The following ERICH6B variants were observed in gnomAD, a reference collection of about 807,000 sequenced individuals.
ERICH6B encodes the protein glutamate-rich protein 6B.
A neutral mutation model predicts 80.0 loss-of-function variants in ERICH6B; 69 were observed. The ratio of observed to expected loss-of-function variants is 0.86; its 90% CI spans 0.71 to 1.05. The LOEUF is 1.05. Ranked by LOEUF, ERICH6B falls within the 50% of genes least tolerant of loss-of-function variation. The pLI is 0.00. For missense variants in ERICH6B, 754 were observed against 796.1 expected (o/e 0.95, Z 0.64); for synonymous variants, 283 against 291.9 (o/e 0.97, Z 0.31).
intron 13 of ERICH6B, 134 bp downstream of exon 13, chr13:45,549,759 C>G: frequency 9.9e-7 from 1 of 1,010,482 alleles, no homozygotes; most frequent in South Asian, 1.7e-5. Context: ...ACTGGTCCAT[C>G]ATGGTGCTCA....
At chr13:45,608,341 G>A (rs917314671) in intron 1 of ERICH6B, among the ~76,000 whole-genome samples, 1 of 152,160 alleles carries the variant, frequency 6.6e-6, no homozygotes, top group African/African-American at 2.4e-5. Flanking sequence ...GCCCAGAGAA[G>A]GCAGCAGCAG....
chr13:45,606,920 G>A (rs930980099), intron 2 of ERICH6B, among the ~76,000 whole-genome samples: 2 of 152,022 alleles, frequency 1.3e-5, no homozygotes, highest in Admixed American at 1.3e-4. Flanking sequence ...TTAATAGATT[G>A]ACCTAGAAGA....
At chr13:45,557,405 CT>C (rs2137970884) in intron 11 of ERICH6B, among the ~76,000 whole-genome samples, 1 of 152,216 alleles carries the variant, frequency 6.6e-6, no homozygotes, top group East Asian at 1.9e-4. Flanking sequence ...CTGACTGTTC[CT>C]TTTGCTGCAC....
chr13:45,569,273 G>A (rs557642500), intron 8 of ERICH6B, among the ~76,000 whole-genome samples: 9 of 152,102 alleles, frequency 5.9e-5, no homozygotes, highest in East Asian at 5.8e-4. Context: ...TCACAGGCAC[G>A]TGCCACCATG....
chr13:45,589,184 C>T (rs1321570703), intron 4 of ERICH6B, among the ~76,000 whole-genome samples: 1 of 152,148 alleles, frequency 6.6e-6, no homozygotes, highest in East Asian at 1.9e-4. Flanking sequence ...TAAAGAATAT[C>T]CTGGGCCTCT....
rs955390713 is a variant in ERICH6B, at chr13:45,586,972, C to A, written c.856+91G>T. 1.7e-4 allele frequency: 228 copies of A among 1,347,454 alleles called. 1 individual carries two copies. The highest frequency in any genetic ancestry group is 9.4e-4 in the Admixed American group (36 of 38,474). 83.5% of individuals were successfully genotyped at this position (1,347,454 alleles called of 1,614,324 possible). ...TATCATTAGCATGAAAGGCAATACT[C>A]GAGCCACAATATTTCACATGCACAA... On this transcript the variant is annotated intron_variant, in intron 5 of 14. Coordinates refer to ENST00000298738, the MANE Select transcript of ERICH6B (RefSeq NM_182542.3).
intron 2 of ERICH6B, among the ~76,000 whole-genome samples, chr13:45,599,106 T>A (rs945032915): frequency 4.6e-5 from 7 of 152,152 alleles, no homozygotes; most frequent in Admixed American, 1.3e-4. Context: ...CATTTTAGAG[T>A]CTATTTCCAG....
At chr13:45,568,182 C>T (rs1367352841) in intron 9 of ERICH6B, 133 bp downstream of exon 9, 2 of 1,007,142 alleles carry the variant, frequency 2.0e-6, no homozygotes, top group East Asian at 2.9e-5. Flanking sequence ...CCTGTTCCTG[C>T]TCCTTGACTC....
chr13:45,548,433 GA>G (rs1874073316), intron 13 of ERICH6B, among the ~76,000 whole-genome samples: 1 of 152,194 alleles, frequency 6.6e-6, no homozygotes, highest in Non-Finnish European at 1.5e-5. Flanking sequence ...TTCCCTCGGG[GA>G]CTAAGCCCTT....
intron 11 of ERICH6B, among the ~76,000 whole-genome samples, chr13:45,550,933 C>CA (rs1408889672): frequency 6.6e-6 from 1 of 152,174 alleles, no homozygotes; most frequent in African/African-American, 2.4e-5. Context: ...GATAAGGTCA[C>CA]ATTCTGAAGC....
At chr13:45,606,056 C>G (rs574105947) in intron 2 of ERICH6B, among the ~76,000 whole-genome samples, 131 of 152,222 alleles carry the variant, frequency 8.6e-4, no homozygotes, top group Admixed American at 2.7e-3. Flanking sequence ...TCTTTCCAAT[C>G]TTTATAACTC....
intron 1 of ERICH6B, among the ~76,000 whole-genome samples, chr13:45,609,811 A>G (rs1391051749): frequency 3.3e-5 from 5 of 152,260 alleles, no homozygotes; most frequent in Admixed American, 2.6e-4. Context: ...GAGAAACTGC[A>G]TCATTAGGCA....
chr13:45,563,909 A>G, intron 9 of ERICH6B, 121 bp from the exon 10 acceptor site: 3 of 780,316 alleles, frequency 3.8e-6, no homozygotes, highest in Non-Finnish European at 6.3e-6. Flanking sequence ...AATGGGGCCA[A>G]TGGCTTTGCT....
intron 2 of ERICH6B, among the ~76,000 whole-genome samples, chr13:45,604,055 C>T (rs1949843028): frequency 6.6e-6 from 1 of 152,128 alleles, no homozygotes; most frequent in South Asian, 2.1e-4. Context: ...GGGCCAAGAG[C>T]TCTCTACACA....
At chr13:45,557,145 G>T (rs1025011267) in intron 11 of ERICH6B, among the ~76,000 whole-genome samples, 2 of 152,204 alleles carry the variant, frequency 1.3e-5, no homozygotes, top group Admixed American at 6.5e-5. Flanking sequence ...GCAGGAGTAA[G>T]GTGGTATGGC....
intron 1 of ERICH6B, among the ~76,000 whole-genome samples, chr13:45,613,544 G>A (rs1030794346): frequency 5.3e-5 from 8 of 152,124 alleles, no homozygotes; most frequent in Admixed American, 1.3e-4. Flanking sequence ...TACTTGAAGC[G>A]GTGAACTAAC....
intron 4 of ERICH6B, among the ~76,000 whole-genome samples, chr13:45,589,414 C>T (rs1276030535): frequency 1.3e-5 from 2 of 152,208 alleles, no homozygotes; most frequent in East Asian, 3.8e-4. Flanking sequence ...TTCTACCTGG[C>T]GGTTCGTGGG....
chr13:45,613,786 T>A (rs1436348451), intron 1 of ERICH6B, among the ~76,000 whole-genome samples: 24 of 152,210 alleles, frequency 1.6e-4, no homozygotes, highest in Non-Finnish European at 7.3e-5. Context: ...TTGCTTTTTT[T>A]AGTGGGATAG....
chr13:45,567,167 C>T (rs747275925), intron 9 of ERICH6B, among the ~76,000 whole-genome samples: 29 of 152,332 alleles, frequency 1.9e-4, no homozygotes, highest in East Asian at 9.6e-4. Flanking sequence ...AATGCCTGTA[C>T]GCCCACTGTA....
Sources: allele counts gnomAD v4.1 joint callset (sites outside exome capture counted in the v4.1 genomes callset), GRCh38; gene constraint gnomAD v4.1.1; transcripts MANE v1.5; gene names NCBI Gene and HGNC (gene_info 2026-07-23, HGNC 2026-07-21).